PCGF1: variants seen among roughly 807,000 people sequenced by gnomAD.
PCGF1 encodes polycomb group ring finger 1, also known as polycomb group RING finger protein 1.
PCGF1 carries 10 observed loss-of-function variants against 38.8 expected under a neutral mutation model. That is an observed-to-expected ratio of 0.26 (90% CI 0.16 to 0.44). The LOEUF (loss-of-function observed/expected upper bound fraction) is 0.44. PCGF1 is among the 20% of genes least tolerant of loss of function. The pLI is 1.00. For missense variants in PCGF1, 230 were observed against 331.5 expected, an observed-to-expected ratio of 0.69 and a Z score of 2.38; for synonymous variants, 119 against 121.3, an observed-to-expected ratio of 0.98 and a Z score of 0.12.
intron 8 of PCGF1, 32 bp downstream of exon 8, chr2:74,505,307 G>T (rs1479527302): frequency 6.3e-7 from 1 of 1,592,994 alleles, no homozygotes; most frequent in Non-Finnish European, 8.6e-7. Flanking sequence ...GTCTGAAGGG[G>T]GTGTGATCCC....
chr2:74,505,707 TAGAG>T (rs1220655379), intron 6 of PCGF1, 26 bp downstream of exon 6: 6 of 1,614,028 alleles, frequency 3.7e-6, no homozygotes, highest in Non-Finnish European at 5.1e-6. Context: ...TGAGTCTCCT[TAGAG>T]AGGCCCTCCC....
chr2:74,506,404 C>T (rs191140721), intron 3 of PCGF1, 152 bp from the exon 4 acceptor site: 158 of 703,598 alleles, frequency 2.2e-4, no homozygotes, highest in African/African-American at 2.1e-3. Flanking sequence ...GGTGAAACCC[C>T]GTCTCTACTA....
chr2:74,506,647 G>A (rs539212299), intron 3 of PCGF1, 85 bp downstream of exon 3: 126 of 1,463,342 alleles, frequency 8.6e-5, no homozygotes, highest in African/African-American at 3.3e-4. Flanking sequence ...TTCTGCCTAC[G>A]TGAGTCCTAC....
At chr2:74,506,475 G>A (rs930374550) in intron 3 of PCGF1, 1 of 610,974 alleles carries the variant, frequency 1.6e-6, no homozygotes, top group Non-Finnish European at 2.8e-6. Context: ...CTACTCAGGA[G>A]GCTGAGGCAG....
chr2:74,505,049 T>G lies in PCGF1; in HGVS notation c.*94A>C. ...GAATAAGGCAGAAGAGAGGTGCTTT[T>G]TAAAAGTTTTTATTTCAAAAAATAA... On this transcript the variant is annotated 3_prime_UTR_variant, in exon 9 of 9. Transcript: ENST00000233630. 1 of 1,332,952 alleles carries G rather than the reference T, an allele frequency of 7.5e-7. No homozygotes were observed. Among genetic ancestry groups the G allele is most frequent in the Non-Finnish European group, 1.0e-6 (1 of 1,003,774 alleles). The allele number at this position is 1,332,952 out of a possible 1,614,324, so 82.6% of individuals were successfully genotyped here. A position where few individuals can be genotyped will look rare whatever the true frequency, so the allele number is the denominator to read the frequency against.
intron 2 of PCGF1, 73 bp downstream of exon 2, chr2:74,506,969 C>A: frequency 6.2e-7 from 1 of 1,603,586 alleles, no homozygotes; most frequent in Non-Finnish European, 8.5e-7. Flanking sequence ...GTGAGGCAGG[C>A]CGCACAGAAG....
Position 74,505,763 on chromosome 2 carries a change from T to C in PCGF1, c.538A>G (p.Lys180Glu). The change falls in exon 6 of 9, where the codon AAA becomes GAA. Residue 180 changes from lysine (K) to glutamate (E), a missense_variant. By Grantham distance (56) the Lys-to-Glu change is moderately conservative. Coordinates refer to ENST00000233630, the MANE Select transcript of PCGF1 (RefSeq NM_032673.3). ...NLCLERLSSGKDKNKSVLQNK... is the reference protein window; with the variant it reads ...NLCLERLSSGEDKNKSVLQNK... ...TGCAGGACGCTTTTATTCTTGTCTT[T>C]GCCAGAACTGGGGGGAAATAGACAC... The C allele has an allele frequency of 6.2e-7, 1 of 1,614,184 alleles. No homozygotes were observed. Among genetic ancestry groups the C allele is most frequent in the Non-Finnish European group, 8.5e-7 (1 of 1,180,022 alleles).
intron 1 of PCGF1, 179 bp downstream of exon 1, chr2:74,507,397 G>C: frequency 2.1e-6 from 3 of 1,453,812 alleles, no homozygotes; most frequent in South Asian, 2.8e-5. Flanking sequence ...CAACGTCGGC[G>C]ACACAACGCG....
intron 6 of PCGF1, 47 bp from the exon 7 acceptor site, chr2:74,505,685 G>A: frequency 6.2e-7 from 1 of 1,614,078 alleles, no homozygotes; most frequent in South Asian, 1.1e-5. Context: ...GTGAGGGAAG[G>A]ACCATGGGAG....
chr2:74,507,485 A>G lies in PCGF1; in HGVS notation c.93+91T>C. 6 of 1,519,962 alleles carry G rather than the reference A, an allele frequency of 3.9e-6. No individual in the cohort carries two copies. In the South Asian group the frequency reaches 7.3e-5, roughly 19 times the overall value. 94.2% of individuals were successfully genotyped at this position (1,519,962 alleles called of 1,614,324 possible). ...GGGCACTCTGTCTCTGCGCAGGCGC[A>G]CTGGGCGCCCGGCCAGCCACCGCCC... On this transcript the variant is annotated intron_variant, in intron 1 of 8. Transcript: ENST00000233630.
Position 74,506,011 on chromosome 2 carries a change from G to A in PCGF1, c.471C>T (p.His157=). ...NLGLPFSSFD[H]SKAHYYRYDE... is the part of the protein sequence containing the mutation. ...CATAGCGATAGTAGTGGGCTTTAGA[G>A]TGGTCAAAGCTGCTGAAGGGGAGGC... is the stretch of plus-strand genomic sequence containing the variant. Residue 157 remains histidine (H), a synonymous_variant, in exon 5 of 9, where the codon CAC becomes CAT. Coordinates refer to ENST00000233630, the MANE Select transcript of PCGF1 (RefSeq NM_032673.3). 1 of 1,614,228 alleles carries A rather than the reference G, an allele frequency of 6.2e-7. No individual in the cohort carries two copies. Among genetic ancestry groups the A allele is most frequent in the Non-Finnish European group, 8.5e-7 (1 of 1,180,036 alleles).
intron 1 of PCGF1, 97 bp from the exon 2 acceptor site, chr2:74,507,244 C>T: frequency 6.7e-7 from 1 of 1,499,502 alleles, no homozygotes; most frequent in Non-Finnish European, 9.0e-7. Flanking sequence ...CACTAGACGG[C>T]CAAGCCCCGC....
chr2:74,507,190 C>T (rs1674659248), intron 1 of PCGF1, 43 bp from the exon 2 acceptor site: 1 of 1,589,464 alleles, frequency 6.3e-7, no homozygotes, highest in East Asian at 2.3e-5. Context: ...CCCTCAAACC[C>T]CAACCCGTGC....
At chr2:74,505,470 A>C (rs1422510743) in intron 7 of PCGF1, 51 bp from the exon 8 acceptor site, 5 of 1,608,246 alleles carry the variant, frequency 3.1e-6, no homozygotes, top group Non-Finnish European at 4.3e-6. Context: ...CAGGTCAAAA[A>C]CTACCCTGGT....
In PCGF1 at chr2:74,507,561, C is replaced by T. The variant is rs1263221569; in HGVS notation, c.93+15G>A. On this transcript the variant is annotated intron_variant, in intron 1 of 8. Transcript: ENST00000233630. ...CCGCTGGCCGACCACAGCAGTAACC[C>T]TGCCGCCCTTGCACCTCGTTCCGTA... 6 of 1,575,488 alleles carry T rather than the reference C, an allele frequency of 3.8e-6. No homozygotes were observed. The Admixed American group carries it at 9.1e-5, about 24-fold the overall frequency.
In PCGF1 at chr2:74,505,946, C is replaced by T; in HGVS notation, c.530+6G>A. The stretch of plus-strand genomic sequence containing the variant: ...CACCTCCTGCAACCCCTGACCTTCT[C>T]CTCACCTCAGCCGCTCCAGGCACAG... On this transcript the variant is annotated splice_donor_region_variant and intron_variant, in intron 5 of 8. Coordinates refer to ENST00000233630, the MANE Select transcript of PCGF1 (RefSeq NM_032673.3). The T allele has an allele frequency of 1.2e-6, 2 of 1,613,772 alleles. No individual in the cohort carries two copies. The highest frequency in any genetic ancestry group is 8.5e-7 in the Non-Finnish European group (1 of 1,179,910).
chr2:74,506,287 G>A, intron 3 of PCGF1, 35 bp from the exon 4 acceptor site: 1 of 1,603,350 alleles, frequency 6.2e-7, no homozygotes, highest in Non-Finnish European at 8.5e-7. Flanking sequence ...TAAAGTATTA[G>A]CCCTTCGGGG....
chr2:74,507,659 G>C lies in PCGF1; in HGVS notation c.10C>G (p.Pro4Ala). 1 of 1,561,324 alleles carries C rather than the reference G, an allele frequency of 6.4e-7. No individual in the cohort carries two copies. The highest frequency in any genetic ancestry group is 8.7e-7 in the Non-Finnish European group (1 of 1,153,328). Residue 4 changes from proline to alanine, a missense_variant, in exon 1 of 9, where the codon CCT (proline) becomes GCT (alanine). Pro to Ala is a conservative substitution (Grantham distance 27). Around this residue, in one of 3 missense-constraint regions of PCGF1, gnomAD observed 46 missense variants for 35.9 expected, o/e 1.28. Transcript: ENST00000233630. The part of the protein sequence containing the change: MAS[P>A]QGGQIAIAMR... ...GCGATCGCAATCTGGCCCCCCTGAG[G>C]AGACGCCATCTTAAAGGCTGATCCC...
At chr2:74,507,394 G>C in intron 1 of PCGF1, 182 bp downstream of exon 1, 1 of 1,454,090 alleles carries the variant, frequency 6.9e-7, no homozygotes, top group Non-Finnish European at 9.0e-7. Context: ...ACACAACGTC[G>C]GCGACACAAC....
Sources: gnomAD v4.1 joint callset for allele counts on GRCh38, gnomAD v4.1.1 for gene constraint, gnomAD v4.1.1 regional missense constraint, MANE v1.5 for transcripts, NCBI Gene and HGNC (gene_info 2026-07-23, HGNC 2026-07-21) for gene names.